The following MGMT variants were observed in gnomAD, a reference collection of about 807,000 sequenced individuals.
MGMT encodes the protein O-6-methylguanine-DNA methyltransferase.
A neutral mutation model predicts 15.9 loss-of-function variants in MGMT; 14 were observed. The observed-to-expected ratio is 0.88, with a 90% CI of 0.58 to 1.37. The LOEUF (loss-of-function observed/expected upper bound fraction) is 1.37. Among genes scored for constraint, MGMT ranks in the 40% most tolerant of loss-of-function variants. The pLI is 0.00. For missense variants in MGMT, 282 were observed against 268.1 expected (o/e 1.05, Z -0.36); for synonymous variants, 130 against 118.2 (o/e 1.10, Z -0.65).
At chr10:129,552,232 G>A (rs1344896967) in intron 2 of MGMT, among the ~76,000 whole-genome samples, 1 of 152,212 alleles carries the variant, frequency 6.6e-6, no homozygotes. Context: ...GGGAGGGGCA[G>A]GCTCCCCACA....
chr10:129,766,385 G>A (rs897529881), intron 4 of MGMT, among the ~76,000 whole-genome samples: 8 of 152,208 alleles, frequency 5.3e-5, no homozygotes, highest in Non-Finnish European at 1.0e-4. Context: ...TGTGATGCCT[G>A]CGTGGTACCT....
intron 2 of MGMT, among the ~76,000 whole-genome samples, chr10:129,601,947 C>T (rs930866395): frequency 1.3e-5 from 2 of 152,092 alleles, no homozygotes; most frequent in African/African-American, 4.8e-5. Context: ...TTCATTGGTC[C>T]GTGACCAACA....
intron 3 of MGMT, among the ~76,000 whole-genome samples, chr10:129,736,794 T>G (rs1196697420): frequency 6.6e-6 from 1 of 151,564 alleles, no homozygotes; most frequent in Non-Finnish European, 1.5e-5. Flanking sequence ...GTCTGTAAAG[T>G]ATTTTATTTC....
At chr10:129,733,916 T>C (rs1848531076) in intron 3 of MGMT, among the ~76,000 whole-genome samples, 1 of 152,118 alleles carries the variant, frequency 6.6e-6, no homozygotes, top group Admixed American at 6.5e-5. Flanking sequence ...TCCATTGGTC[T>C]ATATCTCTGT....
At chr10:129,561,601 G>T (rs1192395521) in intron 2 of MGMT, among the ~76,000 whole-genome samples, 1 of 152,172 alleles carries the variant, frequency 6.6e-6, no homozygotes, top group Non-Finnish European at 1.5e-5. Context: ...GGTCATAGTT[G>T]TCTGTGAGGA....
chr10:129,704,767 C>T (rs1175026600), intron 2 of MGMT, among the ~76,000 whole-genome samples: 1 of 152,000 alleles, frequency 6.6e-6, no homozygotes, highest in Admixed American at 6.6e-5. Context: ...ATGTGCATCT[C>T]ACCCAAAAAG....
intron 2 of MGMT, among the ~76,000 whole-genome samples, chr10:129,647,052 G>A (rs188149784): frequency 6.6e-6 from 1 of 152,036 alleles, no homozygotes; most frequent in Non-Finnish European, 1.5e-5. Flanking sequence ...GTGTGTGTCA[G>A]TTTGCACGCC....
intron 1 of MGMT, among the ~76,000 whole-genome samples, chr10:129,502,879 G>T (rs566280997): frequency 9.9e-5 from 15 of 152,184 alleles, no homozygotes; most frequent in Non-Finnish European, 2.1e-4. Context: ...GTTAAAAGCA[G>T]CCGGACCCAA....
At chr10:129,765,663 C>T (rs1395960396) in intron 4 of MGMT, among the ~76,000 whole-genome samples, 1 of 152,208 alleles carries the variant, frequency 6.6e-6, no homozygotes, top group Non-Finnish European at 1.5e-5. Flanking sequence ...TCTGGCCTCC[C>T]CAGCCAAGGC....
At position 129,767,042 on chromosome 10, in the gene MGMT, A is replaced by G; in HGVS notation, c.*45A>G. The G allele has an allele frequency of 6.7e-7, 1 of 1,489,494 alleles. No homozygotes were observed. The allele number at this position is 1,489,494 out of a possible 1,614,324, so 92.3% of individuals were successfully genotyped here. ...TGTTTGAGCGACACACACGTGTAAC[A>G]CTGCATCGGATGCGGGGCGTGGAGG... On this transcript the variant is annotated 3_prime_UTR_variant, in exon 5 of 5. Transcript: ENST00000651593.
intron 1 of MGMT, among the ~76,000 whole-genome samples, chr10:129,497,699 T>G (rs1000641616): frequency 2.0e-5 from 3 of 152,174 alleles, no homozygotes; most frequent in Non-Finnish European, 2.9e-5. Context: ...GTGTTGAAAC[T>G]CTACCCCCAT....
At chr10:129,613,098 A>G (rs1388465803) in intron 2 of MGMT, among the ~76,000 whole-genome samples, 5 of 152,214 alleles carry the variant, frequency 3.3e-5, no homozygotes, top group Admixed American at 3.3e-4. Context: ...GCCATGCTCC[A>G]AGCTGTATTG....
At chr10:129,590,606 G>A (rs976188399) in intron 2 of MGMT, among the ~76,000 whole-genome samples, 2 of 152,194 alleles carry the variant, frequency 1.3e-5, no homozygotes, top group Non-Finnish European at 1.5e-5. Flanking sequence ...GAAAAAGAAC[G>A]TAAACTTTGA....
intron 3 of MGMT, among the ~76,000 whole-genome samples, chr10:129,757,009 T>G (rs1168081151): frequency 1.3e-5 from 2 of 152,244 alleles, no homozygotes; most frequent in African/African-American, 4.8e-5. Context: ...AGCACTGTGC[T>G]CTTTGAGAGC....
intron 2 of MGMT, among the ~76,000 whole-genome samples, chr10:129,606,455 G>A (rs1364374451): frequency 1.3e-5 from 2 of 152,170 alleles, no homozygotes; most frequent in East Asian, 1.9e-4. Context: ...AGCGTGCAGC[G>A]GGGAGGCCCC....
At chr10:129,526,053 T>C (rs1845866209) in intron 1 of MGMT, among the ~76,000 whole-genome samples, 2 of 152,170 alleles carry the variant, frequency 1.3e-5, no homozygotes, top group African/African-American at 2.4e-5. Flanking sequence ...CACTTGACTG[T>C]CTTGTGCTGG....
rs369236184 is a variant in MGMT, at chr10:129,495,794, A to G, written c.-13+28498A>G. On this transcript the variant is annotated intron_variant, in intron 1 of 4. Coordinates refer to ENST00000651593, the MANE Select transcript of MGMT (RefSeq NM_002412.5). Reference sequence around the variant, plus strand: ...AGCAGAGCATCTTCACGTAGTTCACATGACATCAGAACTTCATCAGGATGT... The same window carrying G: ...AGCAGAGCATCTTCACGTAGTTCACGTGACATCAGAACTTCATCAGGATGT... Among the ~76,000 whole-genome samples the G allele has an allele frequency of 5.9e-5, 9 of 152,342 alleles. No homozygotes were observed. The East Asian group carries it at 1.2e-3, about 20-fold the overall frequency.
chr10:129,545,915 C>A (rs1846093284), intron 2 of MGMT, among the ~76,000 whole-genome samples: 1 of 152,168 alleles, frequency 6.6e-6, no homozygotes, highest in African/African-American at 2.4e-5. Flanking sequence ...CAGGGTAGCT[C>A]TTGCGTGCTG....
chr10:129,480,347 C>A (rs892585250), intron 1 of MGMT, among the ~76,000 whole-genome samples: 16 of 152,186 alleles, frequency 1.1e-4, no homozygotes, highest in African/African-American at 3.6e-4. Context: ...TTTTTGCTCT[C>A]TATGACGTTA....
Sources: allele counts gnomAD v4.1 joint callset (sites outside exome capture counted in the v4.1 genomes callset), GRCh38; gene constraint gnomAD v4.1.1; transcripts MANE v1.5; gene names NCBI Gene and HGNC (gene_info 2026-07-23, HGNC 2026-07-21).